Variants in PKHD1L1 observed in about 807,000 individuals in gnomAD.
PKHD1L1 encodes the protein fibrocystin-L.
In PKHD1L1, 434 loss-of-function variants were observed where a neutral mutation model predicts 462.9. That is an observed-to-expected ratio of 0.94 (90% CI 0.87 to 1.02). The LOEUF (loss-of-function observed/expected upper bound fraction) is 1.02. PKHD1L1 is among the 50% of genes least tolerant of loss of function. The probability of loss-of-function intolerance (pLI) is 0.00; values close to 1 mark genes in which losing one functional copy is unlikely to be tolerated. For synonymous variants in PKHD1L1, 1,781 were observed against 1,750.0 expected (o/e 1.02, Z -0.44); for missense variants, 5,202 against 5,096.1 (o/e 1.02, Z -0.63).
At chr8:109,495,827 G>T (rs1024423081) in intron 63 of PKHD1L1, among the ~76,000 whole-genome samples, 9 of 152,094 alleles carry the variant, frequency 5.9e-5, no homozygotes, top group Non-Finnish European at 7.4e-5. Flanking sequence ...AGGTGGTGCT[G>T]CTCTTTATAG....
At chr8:109,405,242 G>A in intron 16 of PKHD1L1, 112 bp downstream of exon 16, 1 of 645,760 alleles carries the variant, frequency 1.5e-6, no homozygotes, top group Non-Finnish European at 2.3e-6. Context: ...TTGATGATAT[G>A]CTAGACAAAG....
At chr8:109,503,738 C>G (rs2130962810) in intron 67 of PKHD1L1, among the ~76,000 whole-genome samples, 1 of 152,290 alleles carries the variant, frequency 6.6e-6, no homozygotes, top group Non-Finnish European at 1.5e-5. Flanking sequence ...AGACTTTAAA[C>G]AACCATTTAG....
At position 109,510,746 on chromosome 8, in the gene PKHD1L1, G is replaced by A. The variant is rs200836024; in HGVS notation, c.11396-31G>A. On this transcript the variant is annotated intron_variant, in intron 70 of 77. Coordinates refer to ENST00000378402, the MANE Select transcript of PKHD1L1 (RefSeq NM_177531.6). ...TATACTAATAAAATGTATGATATAG[G>A]AGTATGCACTTTCATTTTGCATGGA... 9.7e-5 allele frequency: 156 copies of A among 1,600,200 alleles called. 1 individual carries two copies. The East Asian group carries it at 1.2e-3, about 12-fold the overall frequency.
chr8:109,459,014 C>T (rs1371818833), intron 46 of PKHD1L1, among the ~76,000 whole-genome samples: 3 of 152,112 alleles, frequency 2.0e-5, no homozygotes, highest in Admixed American at 6.6e-5. Flanking sequence ...ATGGTAAAAA[C>T]GAGACCTCCT....
intron 23 of PKHD1L1, 92 bp from the exon 24 acceptor site, chr8:109,424,993 G>A (rs1814661694): frequency 9.3e-7 from 1 of 1,075,126 alleles, no homozygotes; most frequent in South Asian, 2.0e-5. Flanking sequence ...GCTCATTTAT[G>A]TCATGTCACA....
chr8:109,502,122 G>A (rs73700604), intron 67 of PKHD1L1, among the ~76,000 whole-genome samples: 6,877 of 152,046 alleles, frequency 0.045, 415 homozygotes, highest in African/African-American at 0.14. Context: ...GGGCTGAAAT[G>A]CATTGGAATT....
At chr8:109,466,903 G>A in intron 50 of PKHD1L1, 134 bp downstream of exon 50, 1 of 809,258 alleles carries the variant, frequency 1.2e-6, no homozygotes, top group South Asian at 1.9e-5. Flanking sequence ...GTCCAAGCAG[G>A]AAACAAATAA....
rs183744782 is a variant in PKHD1L1, at chr8:109,468,811, T to C, written c.8605+2042T>C. On this transcript the variant is annotated intron_variant, in intron 50 of 77. Coordinates refer to ENST00000378402, the MANE Select transcript of PKHD1L1 (RefSeq NM_177531.6). ...GGAAGGTCTGGTTATTTTTCTTTCC[T>C]TAGTATAATCGGCCACATATCTCTT... 3.3e-5 allele frequency among the ~76,000 whole-genome samples: 5 copies of C among 152,300 alleles called. No homozygotes were observed. The East Asian group carries it at 9.6e-4, about 29-fold the overall frequency.
rs747162381 is a variant in PKHD1L1, at chr8:109,510,799, T to A, written c.11418T>A (p.Cys3806Ter). Residue 3806 changes from cysteine (C) to a stop codon, truncating the protein, a stop_gained, in exon 71 of 78, where the codon TGT becomes TGA. Transcript: ENST00000378402. LOFTEE classifies it high-confidence loss of function. ...LINGPQDHGW[C>*]AGYTCQRRLS... ...TAGGCCCACAGGATCATGGCTGGTGTGCTGGATATACATGCCAGAGAAGGC... is the reference window on the plus strand; with the variant it reads ...TAGGCCCACAGGATCATGGCTGGTGAGCTGGATATACATGCCAGAGAAGGC... 2 of 1,613,216 alleles carry A rather than the reference T, an allele frequency of 1.2e-6. No homozygotes were observed. The highest frequency in any genetic ancestry group is 4.5e-5 in the East Asian group (2 of 44,862).
At chr8:109,431,029 G>A (rs879505185) in intron 27 of PKHD1L1, among the ~76,000 whole-genome samples, 8 of 147,364 alleles carry the variant, frequency 5.4e-5, no homozygotes, top group Non-Finnish European at 8.9e-5. Context: ...GTGCAGTAGT[G>A]CGATCTCAGC....
At chr8:109,451,182 C>G (rs753536271) in intron 41 of PKHD1L1, 33 bp downstream of exon 41, 1 of 1,555,912 alleles carries the variant, frequency 6.4e-7, no homozygotes, top group Non-Finnish European at 8.7e-7. Flanking sequence ...CATCATTGTG[C>G]ATTTCCAGAC....
rs546099848 is a variant in PKHD1L1 at position 109,496,882 on chromosome 8, G to A, written c.10328-37G>A. 96 of 1,571,918 alleles carry A rather than the reference G, an allele frequency of 6.1e-5. No homozygotes were observed. In the African/African-American group the frequency reaches 1.2e-3, roughly 20 times the overall value. ...TTATTAAAACTATATGACATGAAAT[G>A]TAGTGTTCATTCTCTGGTTCTATAT... On this transcript the variant is annotated intron_variant, in intron 63 of 77. Transcript: ENST00000378402.
rs1362668850 is a variant in PKHD1L1 at position 109,420,643 on chromosome 8, T to C, written c.2650T>C (p.Tyr884His). ...CCAATATTCTGTTACCATGACTTCA[T>C]ACAATTGCAGTTACAATATACCCAT... ...TNQYSVTMTS[Y>H]NCSYNIPMMA... Residue 884 changes from tyrosine (Y) to histidine (H), a missense_variant, in exon 23 of 78, where the codon TAC becomes CAC. By Grantham distance (83) the Tyr-to-His change is moderately conservative. Around this residue, in one of 3 missense-constraint regions of PKHD1L1, gnomAD observed 4,497 missense variants for 4,336.8 expected, o/e 1.04. Coordinates refer to ENST00000378402, the MANE Select transcript of PKHD1L1 (RefSeq NM_177531.6). 4 of 1,607,038 alleles carry C rather than the reference T, an allele frequency of 2.5e-6. No homozygotes were observed. Among genetic ancestry groups the C allele is most frequent in the Non-Finnish European group, 2.5e-6 (3 of 1,176,948 alleles).
At chr8:109,376,568 A>C (rs185922737) in intron 2 of PKHD1L1, among the ~76,000 whole-genome samples, 15 of 152,272 alleles carry the variant, frequency 9.9e-5, no homozygotes, top group African/African-American at 3.6e-4. Flanking sequence ...GGAAATGCAG[A>C]AATCACACGT....
intron 19 of PKHD1L1, among the ~76,000 whole-genome samples, chr8:109,410,432 A>G (rs1487937638): frequency 1.3e-5 from 2 of 152,074 alleles, no homozygotes; most frequent in Non-Finnish European, 2.9e-5. Context: ...GGTGAAGGCA[A>G]AGGGGGAACA....
rs759581291 is a variant in PKHD1L1 at position 109,507,713 on chromosome 8, A to C, written c.11045A>C (p.Lys3682Thr). 2.0e-5 allele frequency: 33 copies of C among 1,613,368 alleles called. No homozygotes were observed. Among genetic ancestry groups the C allele is most frequent in the Non-Finnish European group, 5.9e-6 (7 of 1,179,632 alleles). ...GACATGGTTTGTGATGCCAAGAGGAAATCTTTTCTTAGAGACATAGATGGC... is the reference window on the plus strand; with the variant it reads ...GACATGGTTTGTGATGCCAAGAGGACATCTTTTCTTAGAGACATAGATGGC... ...CVDMVCDAKR[K>T]SFLRDIDGSF... is the part of the protein sequence containing the mutation. The change falls in exon 69 of 78, where the codon AAA (lysine) becomes ACA (threonine). Residue 3682 changes from lysine to threonine, a missense_variant. Lys to Thr is a moderately conservative substitution (Grantham distance 78, BLOSUM62 -1). This residue lies in a region of PKHD1L1 where 698 missense variants were observed against 736.3 expected (regional missense o/e 0.95). Transcript: ENST00000378402.
intron 11 of PKHD1L1, among the ~76,000 whole-genome samples, chr8:109,396,474 G>A (rs1400477827): frequency 6.6e-6 from 1 of 152,090 alleles, no homozygotes; most frequent in Non-Finnish European, 1.5e-5. Flanking sequence ...TGCCTTTTTT[G>A]AATGGTTGTT....
chr8:109,515,252 C>T lies in PKHD1L1; in HGVS notation c.11636C>T (p.Thr3879Ile). The change falls in exon 72 of 78, where the codon ACA (threonine) becomes ATA (isoleucine). Residue 3879 changes from threonine to isoleucine, a missense_variant. By Grantham distance (89) the Thr-to-Ile change is moderately conservative (BLOSUM62 -1). This residue lies in a region of PKHD1L1 where 698 missense variants were observed against 736.3 expected (regional missense o/e 0.95). Coordinates refer to ENST00000378402, the MANE Select transcript of PKHD1L1 (RefSeq NM_177531.6). ...AACTTATTGGTCTGTCCAAAAACTA[C>T]AATATGGAATGCCCAGCAGAAACAC... ...VNNLLVCPKTTIWNAQQKHCE... is the reference protein window; with the variant it reads ...VNNLLVCPKTIIWNAQQKHCE... The T allele has an allele frequency of 6.2e-7, 1 of 1,603,120 alleles. No individual in the cohort carries two copies.
At chr8:109,406,922 C>A (rs1412349068) in intron 17 of PKHD1L1, among the ~76,000 whole-genome samples, 2 of 137,520 alleles carry the variant, frequency 1.5e-5, no homozygotes, top group Non-Finnish European at 3.2e-5. Context: ...AGGAGTCCTG[C>A]AGTATTAAAA....
Sources: gnomAD v4.1 joint callset for allele counts (sites outside exome capture counted in the v4.1 genomes callset) on GRCh38, gnomAD v4.1.1 for gene constraint, gnomAD v4.1.1 regional missense constraint, MANE v1.5 for transcripts, NCBI Gene and HGNC (gene_info 2026-07-23, HGNC 2026-07-21) for gene names.